The following COL24A1 variants were observed in gnomAD, a reference collection of about 807,000 sequenced individuals.
COL24A1 encodes the protein collagen alpha-1(XXIV) chain.
COL24A1 carries 224 observed loss-of-function variants against 253.9 expected under a neutral mutation model. That is an observed-to-expected ratio of 0.88 (90% CI 0.79 to 0.99). The LOEUF (loss-of-function observed/expected upper bound fraction) is 0.99, where lower values mean the gene tolerates loss of function less well. Among genes scored for constraint, COL24A1 ranks in the 50% least tolerant of loss-of-function variants. The pLI, the probability that COL24A1 is intolerant of heterozygous loss-of-function variation, is 0.00. For missense variants in COL24A1, 2,131 were observed against 2,068.5 expected, an observed-to-expected ratio of 1.03 and a Z score of -0.59; for synonymous variants, 685 against 673.7, an observed-to-expected ratio of 1.02 and a Z score of -0.26.
chr1:85,791,896 C>T (rs1264734228), intron 47 of COL24A1, among the ~76,000 whole-genome samples: 11 of 151,952 alleles, frequency 7.2e-5, no homozygotes, highest in Admixed American at 4.6e-4. Context: ...TAGCACCCTC[C>T]CCAATAAAAC....
In COL24A1 at chr1:86,042,232, A is replaced by T. The variant is rs564259748; in HGVS notation, c.1950+4593T>A. Among the ~76,000 whole-genome samples, 3 of 152,306 alleles carry T rather than the reference A, an allele frequency of 2.0e-5. No individual in the cohort carries two copies. In the East Asian group the frequency reaches 5.8e-4, roughly 29 times the overall value. On this transcript the variant is annotated intron_variant, in intron 12 of 59. Coordinates refer to ENST00000370571, the MANE Select transcript of COL24A1 (RefSeq NM_152890.7). ...GCTTAAAATACAAGGAAGAAAAAAA[A>T]CATTTCGAATGCCAACAGTATAAGA...
intron 24 of COL24A1, among the ~76,000 whole-genome samples, chr1:85,917,298 C>G (rs185939051): frequency 1.3e-5 from 2 of 152,264 alleles, no homozygotes; most frequent in Admixed American, 1.3e-4. Context: ...AGGATAAGGG[C>G]TAATGTCTGT....
chr1:86,055,282 C>A (rs1700588255), intron 10 of COL24A1, among the ~76,000 whole-genome samples: 1 of 152,152 alleles, frequency 6.6e-6, no homozygotes, highest in African/African-American at 2.4e-5. Flanking sequence ...ACATATACCC[C>A]TAAATTTCAA....
In COL24A1 at chr1:85,999,070, T is replaced by C. The variant is rs529776965; in HGVS notation, c.2311-11416A>G. ...TGAAGATGGGATACTGATAGAGACA[T>C]AGCTTTCTGGAGGAGGAAGTATTAG... On this transcript the variant is annotated intron_variant, in intron 19 of 59. Transcript: ENST00000370571. 1.7e-4 allele frequency among the ~76,000 whole-genome samples: 26 copies of C among 152,312 alleles called. No individual in the cohort carries two copies. In the South Asian group the frequency reaches 5.2e-3, roughly 30 times the overall value.
intron 14 of COL24A1, among the ~76,000 whole-genome samples, chr1:86,031,674 TATC>T (rs2101513079): frequency 6.6e-6 from 1 of 152,292 alleles, no homozygotes; most frequent in East Asian, 1.9e-4. Context: ...TATTTTTTCT[TATC>T]ATAAAATACA....
chr1:86,133,596 T>A (rs1362968798), intron 2 of COL24A1, among the ~76,000 whole-genome samples: 2 of 152,236 alleles, frequency 1.3e-5, no homozygotes, highest in Non-Finnish European at 2.9e-5. Flanking sequence ...TTTCTGCATC[T>A]GTTGAGATAA....
In COL24A1 at chr1:85,833,867, C is replaced by T. The variant is rs556458160; in HGVS notation, c.3681+4718G>A. 6.8e-5 allele frequency among the ~76,000 whole-genome samples: 10 copies of T among 148,020 alleles called. No homozygotes were observed. The South Asian group carries it at 1.9e-3, about 28-fold the overall frequency. ...CATTCTCAGCAAACTATGGCAAGGA[C>T]AAAAAACCAAACACTGCATGTTCTC... On this transcript the variant is annotated intron_variant, in intron 43 of 59. Coordinates refer to ENST00000370571, the MANE Select transcript of COL24A1 (RefSeq NM_152890.7).
At chr1:85,947,770 T>C (rs1329977431) in intron 24 of COL24A1, among the ~76,000 whole-genome samples, 1 of 152,218 alleles carries the variant, frequency 6.6e-6, no homozygotes, top group Non-Finnish European at 1.5e-5. Flanking sequence ...GTAATTTTTT[T>C]CTCATATTAT....
In COL24A1 at chr1:86,105,736, G is replaced by T. The variant is rs577682259; in HGVS notation, c.1599+6831C>A. ...GCTGCTCCTACCACTTATCTAAGCC[G>T]CTCTCCCTGTCAATGAAGTGGCTGT... is the stretch of plus-strand genomic sequence containing the variant. On this transcript the variant is annotated intron_variant, in intron 5 of 59. Transcript: ENST00000370571. Among the ~76,000 whole-genome samples the T allele has an allele frequency of 2.2e-3, 342 of 152,208 alleles. 1 individual carries two copies. Among genetic ancestry groups the T allele is most frequent in the African/African-American group, 8.0e-3 (331 of 41,530 alleles).
At chr1:85,765,559 TTAAATAAATAAATAAA>T (rs5775868) in intron 53 of COL24A1, among the ~76,000 whole-genome samples, 4 of 143,010 alleles carry the variant, frequency 2.8e-5, no homozygotes, top group African/African-American at 1.0e-4. Flanking sequence ...AAAAAAATCA[TTAAATAAATAAATAAA>T]TAAATAAATA....
chr1:85,964,934 C>T, intron 23 of COL24A1, 75 bp downstream of exon 23: 1 of 1,322,838 alleles, frequency 7.6e-7, no homozygotes, highest in Non-Finnish European at 1.1e-6. Context: ...GTTCATTTCA[C>T]ATTTGTATGA....
chr1:86,089,212 A>C lies in COL24A1; in HGVS notation c.1669T>G (p.Ser557Ala), dbSNP rs756379658. Residue 557 changes from serine (S) to alanine (A), a missense_variant, in exon 7 of 60, where the codon TCT (serine) becomes GCT (alanine). Ser to Ala is a moderately conservative substitution (Grantham distance 99). Transcript: ENST00000370571. ...ATACCAGGGGGGCCCATTAATCCAG[A>C]AAGGCCTTGATCACCCTATAAACAA... ...VPGEKGDQGL[S>A]GLMGPPGMQG... is the part of the protein sequence containing the mutation. 6.3e-7 allele frequency: 1 copy of C among 1,587,786 alleles called. No homozygotes were observed. Among genetic ancestry groups the C allele is most frequent in the South Asian group, 1.2e-5 (1 of 85,128 alleles).
rs1250526369 is a variant in COL24A1 at position 86,125,568 on chromosome 1, A to G, written c.768T>C (p.Cys256=). 3 of 1,613,398 alleles carry G rather than the reference A, an allele frequency of 1.9e-6. No homozygotes were observed. Among genetic ancestry groups the G allele is most frequent in the Admixed American group, 1.7e-5 (1 of 59,854 alleles). Residue 256 remains cysteine, a synonymous_variant, in exon 3 of 60, where the codon TGT becomes TGC. Coordinates refer to ENST00000370571, the MANE Select transcript of COL24A1 (RefSeq NM_152890.7). ...DKYQPETSIP[C]TTLIPTKIPE... ...GTATCTTTGTTGGTATGAGAGTTGTACAAGGAATGCTTGTTTCAGGTTGGT... is the reference window on the plus strand; with the variant it reads ...GTATCTTTGTTGGTATGAGAGTTGTGCAAGGAATGCTTGTTTCAGGTTGGT...
chr1:86,069,827 A>G (rs1290479794), intron 7 of COL24A1, among the ~76,000 whole-genome samples: 1 of 152,200 alleles, frequency 6.6e-6, no homozygotes, highest in African/African-American at 2.4e-5. Context: ...AAGTCCCTTC[A>G]AACACTTGGA....
At chr1:86,138,156 T>A (rs1184175310) in intron 2 of COL24A1, among the ~76,000 whole-genome samples, 1 of 152,226 alleles carries the variant, frequency 6.6e-6, no homozygotes, top group Non-Finnish European at 1.5e-5. Context: ...TTAATCTGTA[T>A]CCTTAACTGT....
intron 19 of COL24A1, among the ~76,000 whole-genome samples, chr1:85,990,151 A>G (rs1694118731): frequency 6.6e-6 from 1 of 152,088 alleles, no homozygotes; most frequent in Non-Finnish European, 1.5e-5. Context: ...TTTTTGAAAG[A>G]AAGTACATGT....
At chr1:85,860,520 T>G (rs1473923668) in intron 37 of COL24A1, among the ~76,000 whole-genome samples, 2 of 152,168 alleles carry the variant, frequency 1.3e-5, no homozygotes, top group Non-Finnish European at 2.9e-5. Flanking sequence ...GGCGGGCAGA[T>G]CACGAGGTCA....
intron 57 of COL24A1, among the ~76,000 whole-genome samples, chr1:85,740,016 T>A (rs1316449023): frequency 6.6e-6 from 1 of 152,186 alleles, no homozygotes; most frequent in Non-Finnish European, 1.5e-5. Flanking sequence ...TTCACTTCCC[T>A]TCTTACCCAG....
intron 47 of COL24A1, among the ~76,000 whole-genome samples, chr1:85,815,106 G>GT (rs1357761988): frequency 6.6e-6 from 1 of 152,124 alleles, no homozygotes; most frequent in African/African-American, 2.4e-5. Context: ...CAAATATGAC[G>GT]TATTTTCACA....
Sources: gnomAD v4.1 joint callset for allele counts (sites outside exome capture counted in the v4.1 genomes callset) on GRCh38, gnomAD v4.1.1 for gene constraint, MANE v1.5 for transcripts, NCBI Gene and HGNC (gene_info 2026-07-23, HGNC 2026-07-21) for gene names.